Variants in AK9 observed in about 807,000 individuals in gnomAD.
AK9 encodes adenylate kinase 9, also known as adenylate kinase domain containing 1.
In AK9, 191 loss-of-function variants were observed where a neutral mutation model predicts 239.6. The observed-to-expected ratio is 0.80, with a 90% CI of 0.71 to 0.90. The LOEUF is 0.90. AK9 is among the 40% of genes least tolerant of loss of function. The pLI is 0.00. For missense variants in AK9, 1,995 were observed against 2,214.7 expected, an observed-to-expected ratio of 0.90 and a Z score of 1.99; for synonymous variants, 689 against 721.0, an observed-to-expected ratio of 0.96 and a Z score of 0.71.
At chr6:109,523,389 A>G (rs925963910) in intron 29 of AK9, among the ~76,000 whole-genome samples, 1 of 152,112 alleles carries the variant, frequency 6.6e-6, no homozygotes, top group Non-Finnish European at 1.5e-5. Flanking sequence ...TCTAAACTTC[A>G]TGGCCTTGAA....
At chr6:109,687,638 A>G (rs1383211064) in intron 1 of AK9, among the ~76,000 whole-genome samples, 3 of 152,140 alleles carry the variant, frequency 2.0e-5, no homozygotes, top group African/African-American at 7.2e-5. Flanking sequence ...CTTGCCAACA[A>G]TGTGAATCAG....
At chr6:109,597,699 T>C (rs1213284701) in intron 17 of AK9, among the ~76,000 whole-genome samples, 4 of 151,694 alleles carry the variant, frequency 2.6e-5, no homozygotes, top group Non-Finnish European at 5.9e-5. Flanking sequence ...TATTGCAACC[T>C]CAATTCTTGC....
chr6:109,594,402 A>G (rs993520808), intron 17 of AK9, among the ~76,000 whole-genome samples: 2 of 152,244 alleles, frequency 1.3e-5, no homozygotes, highest in African/African-American at 2.4e-5. Context: ...GCTCATGGAT[A>G]GGAAGAATCA....
chr6:109,584,440 C>T (rs1414133464), intron 19 of AK9, among the ~76,000 whole-genome samples: 1 of 151,888 alleles, frequency 6.6e-6, no homozygotes, highest in Non-Finnish European at 1.5e-5. Flanking sequence ...AGTAGAAATC[C>T]CAGTGGACAA....
intron 27 of AK9, among the ~76,000 whole-genome samples, chr6:109,536,323 A>G (rs1263630330): frequency 1.3e-5 from 2 of 152,044 alleles, no homozygotes; most frequent in Non-Finnish European, 2.9e-5. Flanking sequence ...GGTCCTTCAC[A>G]TCCCTTGTAA....
At chr6:109,601,156 T>C (rs1038181081) in intron 17 of AK9, among the ~76,000 whole-genome samples, 2 of 152,228 alleles carry the variant, frequency 1.3e-5, no homozygotes, top group Non-Finnish European at 2.9e-5. Flanking sequence ...CTAGTTCTTT[T>C]AAATGTGATG....
intron 27 of AK9, among the ~76,000 whole-genome samples, chr6:109,538,636 G>C (rs1174203227): frequency 6.6e-6 from 1 of 151,876 alleles, no homozygotes; most frequent in Non-Finnish European, 1.5e-5. Flanking sequence ...GTGTGAATTT[G>C]ATCCTGTCAT....
intron 5 of AK9, among the ~76,000 whole-genome samples, chr6:109,668,412 T>C (rs1282274082): frequency 6.6e-6 from 1 of 152,006 alleles, no homozygotes; most frequent in Non-Finnish European, 1.5e-5. Flanking sequence ...TTAGATTTCA[T>C]TTGTCAATTT....
In AK9 at chr6:109,636,997, T is replaced by C. The variant is rs144394558; in HGVS notation, c.934-3674A>G. Among the ~76,000 whole-genome samples the C allele has an allele frequency of 3.4e-3, 512 of 152,300 alleles. 1 individual carries two copies. The highest frequency in any genetic ancestry group is 6.0e-3 in the Non-Finnish European group (410 of 68,016). On this transcript the variant is annotated intron_variant, in intron 10 of 40. Transcript: ENST00000424296. ...CCACCAAACTATTTTAAACAGCAGCTGTACCATTTTACATCCCCACAAACA... is the reference window on the plus strand; with the variant it reads ...CCACCAAACTATTTTAAACAGCAGCCGTACCATTTTACATCCCCACAAACA...
intron 29 of AK9, among the ~76,000 whole-genome samples, chr6:109,527,234 CTG>C (rs58806629): frequency 0.021 from 3,168 of 152,246 alleles, 98 homozygotes; most frequent in African/African-American, 0.073. Context: ...CAAGTAATGA[CTG>C]GGATATTGAA....
intron 8 of AK9, among the ~76,000 whole-genome samples, chr6:109,645,795 C>T (rs1266420005): frequency 6.6e-6 from 1 of 152,228 alleles, no homozygotes; most frequent in Admixed American, 6.5e-5. Flanking sequence ...AACTTGGAGA[C>T]ACCTCCCAGT....
At chr6:109,683,247 C>T (rs995796873) in intron 1 of AK9, among the ~76,000 whole-genome samples, 1 of 152,160 alleles carries the variant, frequency 6.6e-6, no homozygotes, top group Non-Finnish European at 1.5e-5. Flanking sequence ...TGGAACGTAT[C>T]TCAAAATAAT....
chr6:109,681,135 A>G (rs915176825), intron 1 of AK9, among the ~76,000 whole-genome samples: 1 of 152,242 alleles, frequency 6.6e-6, no homozygotes, highest in East Asian at 1.9e-4. Context: ...TGCCCTGATT[A>G]AAAGACACAG....
At chr6:109,529,163 T>G (rs1742156744) in intron 28 of AK9, 90 bp from the exon 29 acceptor site, 2 of 1,394,560 alleles carry the variant, frequency 1.4e-6, no homozygotes, top group Non-Finnish European at 9.5e-7. Flanking sequence ...AAAGTAGGAA[T>G]AACGTTTGGG....
intron 26 of AK9, among the ~76,000 whole-genome samples, chr6:109,544,019 T>C (rs1352748081): frequency 1.3e-5 from 2 of 151,982 alleles, no homozygotes; most frequent in Non-Finnish European, 2.9e-5. Flanking sequence ...CTTAGGAGGC[T>C]GAGGTGAGAG....
Position 109,564,863 on chromosome 6 carries a change from AT to A in AK9, c.2345-19del. ...CTCAGATACTTAAGAAAGAAATCGA[AT>A]AGTTAGTGTTTAAATTTGAAAACAT... On this transcript the variant is annotated intron_variant, in intron 21 of 40. Coordinates refer to ENST00000424296, the MANE Select transcript of AK9 (RefSeq NM_001145128.3). The A allele has an allele frequency of 6.7e-7, 1 of 1,494,492 alleles. No individual in the cohort carries two copies. 92.6% of individuals were successfully genotyped at this position (1,494,492 alleles called of 1,614,324 possible). A position where few individuals can be genotyped will look rare whatever the true frequency, so the allele number is the denominator to read the frequency against.
At chr6:109,630,889 GA>G in intron 12 of AK9, among the ~76,000 whole-genome samples, 1 of 152,040 alleles carries the variant, frequency 6.6e-6, no homozygotes, top group East Asian at 1.9e-4. Flanking sequence ...AGCCCCAAAA[GA>G]GACACACATA....
At chr6:109,593,657 T>G (rs976751107) in intron 17 of AK9, among the ~76,000 whole-genome samples, 1 of 152,056 alleles carries the variant, frequency 6.6e-6, no homozygotes, top group East Asian at 1.9e-4. Flanking sequence ...ATCAAAAAAC[T>G]TATCCACCAC....
At chr6:109,610,101 C>G (rs574522329) in intron 17 of AK9, among the ~76,000 whole-genome samples, 3 of 152,028 alleles carry the variant, frequency 2.0e-5, no homozygotes, top group Admixed American at 2.0e-4. Flanking sequence ...GAATCAAAGA[C>G]AATAAAATTT....
Sources: gnomAD v4.1 joint callset for allele counts (sites outside exome capture counted in the v4.1 genomes callset) on GRCh38, gnomAD v4.1.1 for gene constraint, MANE v1.5 for transcripts, NCBI Gene and HGNC (gene_info 2026-07-23, HGNC 2026-07-21) for gene names.